The following PPP1R12A variants were observed in gnomAD, a reference collection of about 807,000 sequenced individuals.
PPP1R12A encodes myosin binding subunit.
A neutral mutation model predicts 139.6 loss-of-function variants in PPP1R12A; 19 were observed. The observed-to-expected ratio is 0.14, with a 90% CI of 0.09 to 0.20. PPP1R12A has a LOEUF of 0.20. PPP1R12A is among the 10% of genes least tolerant of loss of function. The pLI, the probability that PPP1R12A is intolerant of heterozygous loss-of-function variation, is 1.00. For missense variants in PPP1R12A, 925 were observed against 1,211.5 expected, an observed-to-expected ratio of 0.76 and a Z score of 3.51; for synonymous variants, 427 against 420.6, an observed-to-expected ratio of 1.02 and a Z score of -0.19.
At chr12:79,903,144 C>T (rs1478802632) in intron 1 of PPP1R12A, among the ~76,000 whole-genome samples, 1 of 152,022 alleles carries the variant, frequency 6.6e-6, no homozygotes. Flanking sequence ...TTGTTTCATG[C>T]ACAAAATTAT....
chr12:79,907,798 T>C, intron 1 of PPP1R12A, among the ~76,000 whole-genome samples: 2 of 152,266 alleles, frequency 1.3e-5, no homozygotes, highest in Admixed American at 1.3e-4. Flanking sequence ...CTCGGGAGGC[T>C]GAGGCAGGAG....
intron 1 of PPP1R12A, among the ~76,000 whole-genome samples, chr12:79,892,425 T>C (rs1181801381): frequency 2.6e-5 from 4 of 152,168 alleles, no homozygotes. Context: ...GTTATTCTAA[T>C]AAATAATAAA....
chr12:79,931,347 T>C (rs1888238974), intron 1 of PPP1R12A, among the ~76,000 whole-genome samples: 1 of 152,174 alleles, frequency 6.6e-6, no homozygotes, highest in Non-Finnish European at 1.5e-5. Context: ...ATACATTTAA[T>C]ATTTCATTTC....
At chr12:79,827,938 C>T (rs781313201) in intron 5 of PPP1R12A, among the ~76,000 whole-genome samples, 2 of 152,098 alleles carry the variant, frequency 1.3e-5, no homozygotes, top group African/African-American at 4.8e-5. Context: ...GAATTAGAAA[C>T]GCACTTCTAC....
At chr12:79,931,204 T>C (rs1356376150) in intron 1 of PPP1R12A, among the ~76,000 whole-genome samples, 1 of 152,210 alleles carries the variant, frequency 6.6e-6, no homozygotes, top group Admixed American at 6.5e-5. Flanking sequence ...AATCTATATT[T>C]GAACAATAAG....
intron 4 of PPP1R12A, among the ~76,000 whole-genome samples, chr12:79,831,758 T>TA (rs1877460443): frequency 6.6e-6 from 1 of 152,180 alleles, no homozygotes; most frequent in South Asian, 2.1e-4. Flanking sequence ...ATTGCAGAAG[T>TA]AAAAATATTA....
At chr12:79,796,413 CA>C (rs913453530) in intron 17 of PPP1R12A, among the ~76,000 whole-genome samples, 1 of 142,190 alleles carries the variant, frequency 7.0e-6, no homozygotes, top group Non-Finnish European at 1.6e-5. Flanking sequence ...AACAATTTCA[CA>C]AAAAAACATT....
At chr12:79,808,043 AT>A (rs1440370857) in intron 11 of PPP1R12A, among the ~76,000 whole-genome samples, 1 of 151,544 alleles carries the variant, frequency 6.6e-6, no homozygotes, top group African/African-American at 2.4e-5. Context: ...CTCAAAAAAA[AT>A]AAAAATAAAA....
chr12:79,913,758 C>T (rs1176725098), intron 1 of PPP1R12A: 2 of 152,178 alleles, frequency 1.3e-5, no homozygotes, highest in East Asian at 3.9e-4. Flanking sequence ...TGTATTAAAT[C>T]TGTGATTGGT....
chr12:79,880,145 A>G (rs541266354), intron 1 of PPP1R12A, among the ~76,000 whole-genome samples: 23 of 152,314 alleles, frequency 1.5e-4, no homozygotes, highest in Non-Finnish European at 3.2e-4. Context: ...AAAAGATCAC[A>G]TTAAAATATA....
chr12:79,869,903 C>CTATTATTATTATTATTATTAT (rs200825139), intron 2 of PPP1R12A, among the ~76,000 whole-genome samples: 1 of 145,440 alleles, frequency 6.9e-6, no homozygotes, highest in African/African-American at 2.6e-5. Flanking sequence ...ACTATTGTCT[C>CTATTATTATTATTATTATTAT]TATTATTATT....
chr12:79,818,344 C>T (rs79442164), intron 8 of PPP1R12A, among the ~76,000 whole-genome samples: 6,144 of 152,228 alleles, frequency 0.04, 437 homozygotes, highest in East Asian at 0.29. Context: ...CAGGCTCAAG[C>T]GATCTTCCCA....
intron 3 of PPP1R12A, among the ~76,000 whole-genome samples, chr12:79,844,331 T>C (rs1879135138): frequency 6.6e-6 from 1 of 152,198 alleles, no homozygotes. Flanking sequence ...AATGAAGCCC[T>C]AATATTTCCC....
chr12:79,793,177 G>A (rs1479391686), intron 19 of PPP1R12A, among the ~76,000 whole-genome samples: 1 of 152,140 alleles, frequency 6.6e-6, no homozygotes, highest in African/African-American at 2.4e-5. Context: ...CATATGAACA[G>A]AAATATTTTG....
At chr12:79,865,719 T>C (rs762416059) in intron 2 of PPP1R12A, among the ~76,000 whole-genome samples, 48 of 152,286 alleles carry the variant, frequency 3.2e-4, no homozygotes, top group Middle Eastern at 6.8e-3. Flanking sequence ...CCATTCACAA[T>C]TGCTACTAAG....
intron 18 of PPP1R12A, among the ~76,000 whole-genome samples, chr12:79,794,328 T>C (rs1019128697): frequency 1.3e-5 from 2 of 152,016 alleles, no homozygotes; most frequent in South Asian, 2.1e-4. Context: ...ATTCATCAAG[T>C]TGAATATATA....
chr12:79,917,086 G>C (rs1887053636), intron 1 of PPP1R12A, among the ~76,000 whole-genome samples: 3 of 152,024 alleles, frequency 2.0e-5, no homozygotes, highest in Admixed American at 2.0e-4. Flanking sequence ...TTTTACATTT[G>C]AGTGTTTTTA....
At chr12:79,817,587 AT>A in intron 8 of PPP1R12A, 69 bp from the exon 9 acceptor site, 2 of 1,396,684 alleles carry the variant, frequency 1.4e-6, no homozygotes, top group Non-Finnish European at 9.6e-7. Flanking sequence ...GGAAAAAATC[AT>A]TTTATATTCC....
At chr12:79,809,483 T>G (rs1874262562) in intron 10 of PPP1R12A, among the ~76,000 whole-genome samples, 1 of 152,120 alleles carries the variant, frequency 6.6e-6, no homozygotes, top group Admixed American at 6.6e-5. Flanking sequence ...TTTTTAAACT[T>G]CAGAAAGTTT....
Sources: allele counts gnomAD v4.1 joint callset (sites outside exome capture counted in the v4.1 genomes callset), GRCh38; gene constraint gnomAD v4.1.1; transcripts MANE v1.5; gene names NCBI Gene and HGNC (gene_info 2026-07-23, HGNC 2026-07-21).